The following TJP1 variants were observed in gnomAD, a reference collection of about 807,000 sequenced individuals.
TJP1 encodes the protein tight junction protein ZO-1.
In TJP1, 43 loss-of-function variants were observed where a neutral mutation model predicts 194.2. The ratio of observed to expected loss-of-function variants is 0.22; its 90% CI spans 0.17 to 0.29. The LOEUF (loss-of-function observed/expected upper bound fraction) is 0.29, where lower values mean the gene tolerates loss of function less well. Ranked by LOEUF, TJP1 falls within the 10% of genes least tolerant of loss-of-function variation. The pLI, the probability that TJP1 is intolerant of heterozygous loss-of-function variation, is 1.00. For synonymous variants in TJP1, 801 were observed against 779.0 expected, an observed-to-expected ratio of 1.03 and a Z score of -0.47; for missense variants, 1,971 against 2,185.7, an observed-to-expected ratio of 0.90 and a Z score of 1.96.
chr15:29,712,373 T>C (rs2042293559), intron 23 of TJP1, among the ~76,000 whole-genome samples: 1 of 152,230 alleles, frequency 6.6e-6, no homozygotes, highest in African/African-American at 2.4e-5. Context: ...TTGACGTTCC[T>C]TTTCAAGTAG....
intron 2 of TJP1, among the ~76,000 whole-genome samples, chr15:29,926,367 T>C (rs546309686): frequency 1.5e-4 from 23 of 152,266 alleles, no homozygotes; most frequent in African/African-American, 5.3e-4. Flanking sequence ...ATCTTAGCAC[T>C]TTGGGAGACC....
At chr15:29,830,562 T>A (rs560794611) in intron 2 of TJP1, among the ~76,000 whole-genome samples, 8 of 151,376 alleles carry the variant, frequency 5.3e-5, no homozygotes, top group East Asian at 1.9e-4. Context: ...CTAATATATA[T>A]TAATGTGTGT....
At chr15:29,805,928 C>T (rs1378100020) in intron 1 of TJP1, among the ~76,000 whole-genome samples, 4 of 152,056 alleles carry the variant, frequency 2.6e-5, no homozygotes, top group South Asian at 2.1e-4. Flanking sequence ...CTACACATGA[C>T]GCTGGCTTTG....
intron 8 of TJP1, chr15:29,759,066 T>C (rs1566967968): frequency 6.6e-6 from 1 of 152,222 alleles, no homozygotes; most frequent in Non-Finnish European, 1.5e-5. Flanking sequence ...TAACTACCAC[T>C]GTCACTGCGG....
chr15:29,704,077 A>G, intron 27 of TJP1, 85 bp downstream of exon 27: 1 of 1,408,468 alleles, frequency 7.1e-7, no homozygotes, highest in Non-Finnish European at 9.6e-7. Flanking sequence ...ATTTGCTAAC[A>G]CACAGCATGG....
chr15:29,777,352 T>C (rs1288663075), intron 2 of TJP1, among the ~76,000 whole-genome samples: 1 of 152,108 alleles, frequency 6.6e-6, no homozygotes, highest in Non-Finnish European at 1.5e-5. Flanking sequence ...GCGAAGAAGA[T>C]AAGAAATACC....
At chr15:29,864,740 T>C (rs886566617) in intron 2 of TJP1, among the ~76,000 whole-genome samples, 1 of 152,158 alleles carries the variant, frequency 6.6e-6, no homozygotes, top group East Asian at 1.9e-4. Context: ...GTCTGTCTTA[T>C]CACTATCTCC....
chr15:29,906,745 A>C (rs967576046), intron 2 of TJP1, among the ~76,000 whole-genome samples: 1 of 151,276 alleles, frequency 6.6e-6, no homozygotes, highest in African/African-American at 2.4e-5. Flanking sequence ...ACACCCAACT[A>C]ATTTTTGTAT....
intron 2 of TJP1, among the ~76,000 whole-genome samples, chr15:29,850,560 C>T (rs1027317601): frequency 2.0e-5 from 3 of 152,040 alleles, no homozygotes; most frequent in Non-Finnish European, 4.4e-5. Flanking sequence ...TGGTCTTGAA[C>T]TCCTGACCTC....
At position 29,834,792 on chromosome 15, in the gene TJP1, C is replaced by T. The variant is rs193060650; in HGVS notation, c.307-34090G>A. Among the ~76,000 whole-genome samples the T allele has an allele frequency of 7.1e-4, 108 of 152,296 alleles. No individual in the cohort carries two copies. The Middle Eastern group carries it at 0.014, about 19-fold the overall frequency. On this transcript the variant is annotated intron_variant, in intron 2 of 28. Transcript: ENST00000356107. ...AAACCGGCAGAAACCAGGGTCCCCACAGGGATTCTGCGCTTTGGGGAGAAC... is the reference window on the plus strand; with the variant it reads ...AAACCGGCAGAAACCAGGGTCCCCATAGGGATTCTGCGCTTTGGGGAGAAC...
intron 2 of TJP1, among the ~76,000 whole-genome samples, chr15:29,777,170 C>G (rs2047069517): frequency 6.6e-6 from 1 of 152,110 alleles, no homozygotes. Context: ...AGTAACAAGA[C>G]ACAGTTCTTA....
At chr15:29,745,302 G>A (rs370230414) in intron 8 of TJP1, among the ~76,000 whole-genome samples, 377 of 135,732 alleles carry the variant, frequency 2.8e-3, no homozygotes, top group Non-Finnish European at 3.8e-3. Context: ...CCAAAATATT[G>A]AAAAAAAAAA....
intron 2 of TJP1, among the ~76,000 whole-genome samples, chr15:29,800,034 A>T (rs1287395787): frequency 6.6e-6 from 1 of 152,182 alleles, no homozygotes; most frequent in Non-Finnish European, 1.5e-5. Context: ...TTCCATTTTA[A>T]ACTTGTGAAA....
At chr15:29,767,674 A>G (rs113306293) in intron 4 of TJP1, among the ~76,000 whole-genome samples, 31 of 152,228 alleles carry the variant, frequency 2.0e-4, no homozygotes, top group African/African-American at 7.0e-4. Flanking sequence ...TCGCTAATGT[A>G]GGTATTCTAC....
intron 2 of TJP1, among the ~76,000 whole-genome samples, chr15:29,915,519 A>G (rs569492991): frequency 6.6e-6 from 1 of 152,358 alleles, no homozygotes; most frequent in Admixed American, 6.5e-5. Context: ...TTTCCAAACC[A>G]TACAATCTCA....
At chr15:29,707,696 C>T (rs1257972019) in intron 25 of TJP1, among the ~76,000 whole-genome samples, 2 of 152,198 alleles carry the variant, frequency 1.3e-5, no homozygotes, top group African/African-American at 4.8e-5. Context: ...TGCAGGGAGG[C>T]TCCAGGTGGG....
chr15:29,785,189 C>T (rs1423707244), intron 2 of TJP1, among the ~76,000 whole-genome samples: 3 of 152,040 alleles, frequency 2.0e-5, no homozygotes, highest in African/African-American at 7.2e-5. Flanking sequence ...AAAGACTTGC[C>T]GTATTTCAAA....
rs2050433313 is a variant in TJP1, at chr15:29,822,170, C to A, written c.-142G>T. On this transcript the variant is annotated 5_prime_UTR_variant, in exon 1 of 28. Coordinates refer to ENST00000614355, the MANE Select transcript of TJP1 (RefSeq NM_001330239.4). ...GGCGGGGGCGGCCGGAAGGGCCCGGCCCAGGGGGAGGGAATTCAACTCGGA... is the reference window on the plus strand; with the variant it reads ...GGCGGGGGCGGCCGGAAGGGCCCGGACCAGGGGGAGGGAATTCAACTCGGA... 5 of 1,180,444 alleles carry A rather than the reference C, an allele frequency of 4.2e-6. No homozygotes were observed. The highest frequency in any genetic ancestry group is 5.2e-6 in the Non-Finnish European group (5 of 954,092). 73.1% of individuals were successfully genotyped at this position (1,180,444 alleles called of 1,614,324 possible).
chr15:29,718,721 C>A lies in TJP1; in HGVS notation c.3421G>T (p.Asp1141Tyr), dbSNP rs572784351. 2 of 1,614,088 alleles carry A rather than the reference C, an allele frequency of 1.2e-6. No individual in the cohort carries two copies. Among genetic ancestry groups the A allele is most frequent in the Non-Finnish European group, 1.7e-6 (2 of 1,180,026 alleles). ...RFEEPAPLSY[D>Y]SRPRYEQAPR... is the part of the protein sequence containing the mutation. ...GCCTGTTCGTAACGTGGTCTGCTGT[C>A]GTAAGACAGAGGGGCTGGCTCTTCA... is the stretch of plus-strand genomic sequence containing the variant. Residue 1141 changes from aspartate (D) to tyrosine (Y), a missense_variant, in exon 21 of 28, where the codon GAC (aspartate) becomes TAC (tyrosine). Coordinates refer to ENST00000614355, the MANE Select transcript of TJP1 (RefSeq NM_001330239.4).
Sources: allele counts gnomAD v4.1 joint callset (sites outside exome capture counted in the v4.1 genomes callset), GRCh38; gene constraint gnomAD v4.1.1; transcripts MANE v1.5; gene names NCBI Gene and HGNC (gene_info 2026-07-23, HGNC 2026-07-21).